Variants in UBR4 observed in about 807,000 individuals in gnomAD.
UBR4 encodes the protein ubiquitin protein ligase E3 component n-recognin 4, also known as E3 ubiquitin-protein ligase UBR4.
In UBR4, 124 loss-of-function variants were observed where a neutral mutation model predicts 575.6. The observed-to-expected ratio is 0.22, with a 90% CI of 0.19 to 0.25. The LOEUF is 0.25. Ranked by LOEUF, UBR4 falls within the 10% of genes least tolerant of loss-of-function variation. UBR4 has a pLI of 1.00. For synonymous variants in UBR4, 2,455 were observed against 2,473.7 expected, an observed-to-expected ratio of 0.99 and a Z score of 0.22; for missense variants, 4,818 against 6,478.8, an observed-to-expected ratio of 0.74 and a Z score of 8.80.
chr1:19,183,700 T>A (rs2091246016), intron 17 of UBR4, 111 bp downstream of exon 17: 8 of 1,121,906 alleles, frequency 7.1e-6, no homozygotes, highest in Non-Finnish European at 1.0e-5. Flanking sequence ...CCAGCCTGGG[T>A]AACAGAGCAA....
rs1430921798 is a variant in UBR4 at position 19,093,816 on chromosome 1, T to C, written c.13937+133A>G. ...TTAACTATTCACTTCCCAACTAGAC[T>C]GAGCTCCTTAAAAGCCAGAACGAGG... On this transcript the variant is annotated intron_variant, in intron 95 of 105. Coordinates refer to ENST00000375254, the MANE Select transcript of UBR4 (RefSeq NM_020765.3). The surrounding 1 kb of genome is among the most constrained non-coding windows in gnomAD (Gnocchi z 4.8). 6 of 1,053,292 alleles carry C rather than the reference T, an allele frequency of 5.7e-6. No homozygotes were observed. Among genetic ancestry groups the C allele is most frequent in the Non-Finnish European group, 5.4e-6 (4 of 739,406 alleles). 65.2% of individuals were successfully genotyped at this position (1,053,292 alleles called of 1,614,324 possible). A position where few individuals can be genotyped will look rare whatever the true frequency, so the allele number is the denominator to read the frequency against.
Position 19,192,491 on chromosome 1 carries a change from G to A in UBR4, c.1193C>T (p.Ala398Val), listed in dbSNP as rs1407383207. ...AGATACGCTTCTTACCTCACCACCA[G>A]CCCGGCGAGAACTGCTGATTGCTTG... ...IGQAISSSRR[A>V]GGEHYQNFQL... Residue 398 changes from alanine to valine, a missense_variant, in exon 10 of 106, where the codon GCT becomes GTT. Around this residue, in one of 29 missense-constraint regions of UBR4, gnomAD observed 131 missense variants for 214.5 expected, o/e 0.61. Coordinates refer to ENST00000375254, the MANE Select transcript of UBR4 (RefSeq NM_020765.3). The A allele has an allele frequency of 1.2e-6, 2 of 1,614,036 alleles. No individual in the cohort carries two copies. The highest frequency in any genetic ancestry group is 3.3e-5 in the Admixed American group (2 of 60,000).
At position 19,087,893 on chromosome 1, in the gene UBR4, G is replaced by A. The variant is rs768061626; in HGVS notation, c.14467C>T (p.Leu4823Phe). ...ATCAGCTCTTCCATCTGCTTCAGGAGTGCTGTCTTGGTCACGACCTGGCCC... is the reference window on the plus strand; with the variant it reads ...ATCAGCTCTTCCATCTGCTTCAGGAATGCTGTCTTGGTCACGACCTGGCCC... ...EKGQVVTKTA[L>F]LKQMEELIEE... Residue 4823 changes from leucine to phenylalanine, a missense_variant, in exon 99 of 106, where the codon CTC becomes TTC. Around this residue, in one of 29 missense-constraint regions of UBR4, gnomAD observed 196 missense variants for 386.8 expected, o/e 0.51. Transcript: ENST00000375254. The A allele has an allele frequency of 3.7e-6, 6 of 1,610,120 alleles. No individual in the cohort carries two copies. Among genetic ancestry groups the A allele is most frequent in the Non-Finnish European group, 5.1e-6 (6 of 1,177,804 alleles).
chr1:19,095,526 T>C lies in UBR4; in HGVS notation c.13626+19A>G. 1 of 1,611,132 alleles carries C rather than the reference T, an allele frequency of 6.2e-7. No homozygotes were observed. The highest frequency in any genetic ancestry group is 8.5e-7 in the Non-Finnish European group (1 of 1,178,060). ...CTTCCAAGGCCCACTCTTCTTCACC[T>C]GCAGTCCATGCTCCTTACCAGGTTT... is the stretch of plus-strand genomic sequence containing the variant. On this transcript the variant is annotated intron_variant, in intron 93 of 105. Coordinates refer to ENST00000375254, the MANE Select transcript of UBR4 (RefSeq NM_020765.3).
At position 19,150,725 on chromosome 1, in the gene UBR4, C is replaced by T. The variant is rs754331364; in HGVS notation, c.7282G>A (p.Glu2428Lys). The T allele has an allele frequency of 6.2e-7, 1 of 1,614,036 alleles. No individual in the cohort carries two copies. The highest frequency in any genetic ancestry group is 8.5e-7 in the Non-Finnish European group (1 of 1,179,992). Residue 2428 changes from glutamate to lysine, a missense_variant, in exon 49 of 106, where the codon GAG becomes AAG. This residue lies in a region of UBR4 where 340 missense variants were observed against 375.4 expected (regional missense o/e 0.91). Transcript: ENST00000375254. ...GGCTCATCAGGCCAGCCAAACTGCT[C>T]CTTAGTCTTGCCATAAATTTTTACA... ...DAVKIYGKTK[E>K]QFGWPDEPPE...
At chr1:19,087,198 G>A (rs2077099672) in intron 99 of UBR4, among the ~76,000 whole-genome samples, 1 of 152,256 alleles carries the variant, frequency 6.6e-6, no homozygotes, top group African/African-American at 2.4e-5. Flanking sequence ...TGAAGAGCCT[G>A]CATTACGCAG....
intron 14 of UBR4, among the ~76,000 whole-genome samples, chr1:19,185,577 T>C (rs1040143843): frequency 8.4e-6 from 1 of 118,998 alleles, no homozygotes; most frequent in Non-Finnish European, 2.1e-5. Flanking sequence ...TTTTTTCTTT[T>C]TTTTTTTTTT....
chr1:19,138,592 A>G (rs1404280186), intron 59 of UBR4, among the ~76,000 whole-genome samples: 5 of 152,208 alleles, frequency 3.3e-5, no homozygotes, highest in African/African-American at 1.2e-4. Context: ...CCCTCATTCT[A>G]GAGCCCCACC....
At position 19,187,146 on chromosome 1, in the gene UBR4, G is replaced by C; in HGVS notation, c.1632+18C>G. ...TGAGACATTCTTCTAAATTATCAAT[G>C]GCTTAACTCCCACCCACCTTTCTGT... On this transcript the variant is annotated intron_variant, in intron 13 of 105. Transcript: ENST00000375254. The C allele has an allele frequency of 6.3e-7, 1 of 1,586,900 alleles. No homozygotes were observed. Among genetic ancestry groups the C allele is most frequent in the Non-Finnish European group, 8.6e-7 (1 of 1,164,736 alleles).
intron 51 of UBR4, 82 bp from the exon 52 acceptor site, chr1:19,147,082 TCA>T: frequency 6.9e-7 from 1 of 1,454,114 alleles, no homozygotes; most frequent in Non-Finnish European, 9.2e-7. Context: ...AGCTGGCAGA[TCA>T]CCAGGATTAT....
In UBR4 at chr1:19,198,685, A is replaced by G. The variant is rs2092595391; in HGVS notation, c.509-5T>C. 14 of 1,613,952 alleles carry G rather than the reference A, an allele frequency of 8.7e-6. No individual in the cohort carries two copies. The highest frequency in any genetic ancestry group is 1.2e-5 in the Non-Finnish European group (14 of 1,179,882). On this transcript the variant is annotated splice_polypyrimidine_tract_variant and splice_region_variant and intron_variant, in intron 4 of 105. Coordinates refer to ENST00000375254, the MANE Select transcript of UBR4 (RefSeq NM_020765.3). ...CCAGCTCTTTCTGATCTTCCACTGTAAAATACAAAGGCAAAAAAAAGGGCT... is the reference window on the plus strand; with the variant it reads ...CCAGCTCTTTCTGATCTTCCACTGTGAAATACAAAGGCAAAAAAAAGGGCT...
intron 63 of UBR4, 57 bp downstream of exon 63, chr1:19,127,566 A>G: frequency 7.2e-7 from 1 of 1,380,232 alleles, no homozygotes; most frequent in Non-Finnish European, 1.0e-6. Flanking sequence ...TGGCCCTAGC[A>G]CTACCCAGAC....
At position 19,105,072 on chromosome 1, in the gene UBR4, G is replaced by C. The variant is rs763970294; in HGVS notation, c.12621C>G (p.Pro4207=). 2 of 1,614,018 alleles carry C rather than the reference G, an allele frequency of 1.2e-6. No homozygotes were observed. The highest frequency in any genetic ancestry group is 1.7e-6 in the Non-Finnish European group (2 of 1,179,948). The change falls in exon 85 of 106, where the codon CCC becomes CCG. Residue 4207 remains proline (P), a synonymous_variant. Coordinates refer to ENST00000375254, the MANE Select transcript of UBR4 (RefSeq NM_020765.3). ...KVYLAARGVL[P]YVGNLITKEI... Reference sequence around the variant, plus strand: ...CCTTGGTGATGAGGTTGCCCACATAGGGTAGGACTCCCCGAGCTGCCAAGT... The same window carrying C: ...CCTTGGTGATGAGGTTGCCCACATACGGTAGGACTCCCCGAGCTGCCAAGT...
chr1:19,165,876 T>C (rs1168907507), intron 29 of UBR4, 119 bp from the exon 30 acceptor site: 2 of 838,660 alleles, frequency 2.4e-6, no homozygotes, highest in African/African-American at 3.4e-5. Context: ...TGTCTAATTT[T>C]GTTTTGGCAA....
intron 102 of UBR4, among the ~76,000 whole-genome samples, chr1:19,083,571 G>A (rs2076729541): frequency 6.6e-6 from 1 of 152,298 alleles, no homozygotes; most frequent in Middle Eastern, 3.4e-3. Context: ...GTCTTGCTCT[G>A]TCACACAGGC....
At chr1:19,141,580 C>T (rs991040340) in intron 56 of UBR4, 56 bp from the exon 57 acceptor site, 64 of 1,599,782 alleles carry the variant, frequency 4.0e-5, no homozygotes, top group Non-Finnish European at 5.3e-5. Flanking sequence ...TTTGGAAGTC[C>T]ACTGAATAAG....
chr1:19,198,083 T>C (rs374264846), intron 5 of UBR4, 34 bp from the exon 6 acceptor site: 47 of 1,597,832 alleles, frequency 2.9e-5, no homozygotes, highest in Non-Finnish European at 3.9e-5. Flanking sequence ...CAAGATACTA[T>C]TATCTCTTCA....
At position 19,175,015 on chromosome 1, in the gene UBR4, C is replaced by A; in HGVS notation, c.2792G>T (p.Arg931Ile). Residue 931 changes from arginine to isoleucine, a missense_variant, in exon 21 of 106, where the codon AGA becomes ATA. Arg to Ile is a moderately conservative substitution (Grantham distance 97). Coordinates refer to ENST00000375254, the MANE Select transcript of UBR4 (RefSeq NM_020765.3). ...HFSSDAVPHP[R>I]FYCVLSPEAS... ...TTCTGGGGACAGGACACAGTAGAAT[C>A]TGGGGTGTGGGACAGCATCTGAAAA... is the stretch of plus-strand genomic sequence containing the variant. 1 of 1,613,942 alleles carries A rather than the reference C, an allele frequency of 6.2e-7. No homozygotes were observed. Among genetic ancestry groups the A allele is most frequent in the South Asian group, 1.1e-5 (1 of 91,068 alleles).
At position 19,156,754 on chromosome 1, in the gene UBR4, T is replaced by A. The variant is rs766886008; in HGVS notation, c.5919+13A>T. 6.2e-7 allele frequency: 1 copy of A among 1,610,928 alleles called. No homozygotes were observed. The highest frequency in any genetic ancestry group is 8.5e-7 in the Non-Finnish European group (1 of 1,177,576). ...ACAGCTCAAGGCAATCAAACCTAGATCCGGATTTTTACCTTTAGCCCACAA... is the reference window on the plus strand; with the variant it reads ...ACAGCTCAAGGCAATCAAACCTAGAACCGGATTTTTACCTTTAGCCCACAA... On this transcript the variant is annotated intron_variant, in intron 41 of 105. Transcript: ENST00000375254.
Sources: gnomAD v4.1 joint callset for allele counts (sites outside exome capture counted in the v4.1 genomes callset) on GRCh38, gnomAD v4.1.1 for gene constraint, gnomAD v4.1.1 regional missense constraint, Gnocchi (gnomAD v3.1) non-coding constraint, MANE v1.5 for transcripts, NCBI Gene and HGNC (gene_info 2026-07-23, HGNC 2026-07-21) for gene names.